Variants in UBXN2B observed in about 807,000 individuals in gnomAD.
UBXN2B encodes the protein UBX domain protein 2B.
Under a neutral mutation model 37.5 loss-of-function variants are expected in UBXN2B, and 19 were observed. The observed-to-expected ratio is 0.51, with a 90% CI of 0.35 to 0.74. The LOEUF is 0.74. Ranked by LOEUF, UBXN2B falls within the 30% of genes least tolerant of loss-of-function variation. The pLI is 0.01. For synonymous variants in UBXN2B, 145 were observed against 143.8 expected (o/e 1.01, Z -0.06); for missense variants, 370 against 393.2 (o/e 0.94, Z 0.50).
intron 2 of UBXN2B, among the ~76,000 whole-genome samples, 170 bp from the exon 3 acceptor site, chr8:58,430,349 T>C (rs1392491581): frequency 3.3e-5 from 5 of 152,248 alleles, no homozygotes; most frequent in Non-Finnish European, 5.9e-5. Context: ...TGATTTCCTA[T>C]TTATTATACT....
intron 2 of UBXN2B, among the ~76,000 whole-genome samples, chr8:58,421,488 T>G (rs1353137151): frequency 6.6e-6 from 1 of 152,154 alleles, no homozygotes; most frequent in East Asian, 1.9e-4. Flanking sequence ...TGGAATATTG[T>G]GCATATTTAA....
At chr8:58,424,370 C>T (rs1808015818) in intron 2 of UBXN2B, among the ~76,000 whole-genome samples, 1 of 152,106 alleles carries the variant, frequency 6.6e-6, no homozygotes, top group Non-Finnish European at 1.5e-5. Flanking sequence ...TTCTTCTTAT[C>T]TGAGGAAATG....
intron 6 of UBXN2B, among the ~76,000 whole-genome samples, chr8:58,443,505 T>C (rs185853756): frequency 6.5e-4 from 98 of 151,448 alleles, no homozygotes; most frequent in African/African-American, 2.3e-3. Flanking sequence ...AGAATTAACA[T>C]AACTTGCATG....
At chr8:58,444,266 A>G (rs148632868) in intron 6 of UBXN2B, among the ~76,000 whole-genome samples, 436 of 152,342 alleles carry the variant, frequency 2.9e-3, no homozygotes, top group African/African-American at 9.5e-3. Flanking sequence ...TAGGATAATT[A>G]TAATGCTAAT....
At chr8:58,426,493 C>T (rs1808095270) in intron 2 of UBXN2B, 3 of 710,958 alleles carry the variant, frequency 4.2e-6, no homozygotes, top group Middle Eastern at 2.5e-4. Flanking sequence ...CAGGTGTGAA[C>T]CACCGTGACC....
intron 2 of UBXN2B, 120 bp downstream of exon 2, chr8:58,417,073 A>T (rs1013658282): frequency 3.9e-6 from 3 of 765,518 alleles, no homozygotes; most frequent in African/African-American, 3.5e-5. Context: ...AAAAATTATT[A>T]TTCCAAGATC....
intron 6 of UBXN2B, among the ~76,000 whole-genome samples, chr8:58,442,308 A>G (rs1476108737): frequency 3.3e-5 from 5 of 152,254 alleles, no homozygotes; most frequent in African/African-American, 1.2e-4. Flanking sequence ...CATATATTCT[A>G]AAGTGAAGAA....
At chr8:58,446,778 C>CTTTTTTTTTTTTT (rs1585622637) in intron 7 of UBXN2B, among the ~76,000 whole-genome samples, 1 of 14,972 alleles carries the variant, frequency 6.7e-5, no homozygotes, top group Non-Finnish European at 1.4e-4. Context: ...GTACAACCTG[C>CTTTTTTTTTTTTT]ATTTTTTTTT....
At chr8:58,429,433 C>T (rs1229897776) in intron 2 of UBXN2B, among the ~76,000 whole-genome samples, 1 of 152,188 alleles carries the variant, frequency 6.6e-6, no homozygotes, top group African/African-American at 2.4e-5. Flanking sequence ...TAGGCTCCTG[C>T]TCTAGATAAA....
chr8:58,442,189 G>A (rs910317387), intron 6 of UBXN2B, among the ~76,000 whole-genome samples: 3 of 152,210 alleles, frequency 2.0e-5, no homozygotes, highest in Non-Finnish European at 4.4e-5. Context: ...CTAGCTGCAA[G>A]AGAGTCTGGG....
At position 58,428,589 on chromosome 8, in the gene UBXN2B, T is replaced by A. The variant is rs568805802; in HGVS notation, c.189-1930T>A. ...ATCCTTTTAAGGCCCAGCTGAGTAC[T>A]AATTCTGTACTACAGATGCCTATCT... is the stretch of plus-strand genomic sequence containing the variant. On this transcript the variant is annotated intron_variant, in intron 2 of 7. Coordinates refer to ENST00000399598, the MANE Select transcript of UBXN2B (RefSeq NM_001077619.2). Among the ~76,000 whole-genome samples the A allele has an allele frequency of 4.2e-4, 64 of 152,386 alleles. 1 individual carries two copies. Among genetic ancestry groups the A allele is most frequent in the African/African-American group, 1.5e-3 (62 of 41,596 alleles).
At position 58,449,427 on chromosome 8, in the gene UBXN2B, T is replaced by C. The variant is rs754072056; in HGVS notation, c.*1876T>C. Reference sequence around the variant, plus strand: ...CATCAACTCTAAATCCAAAATCTTATCTGAGTCTCACCAACTCAAAAGTCT... The same window carrying C: ...CATCAACTCTAAATCCAAAATCTTACCTGAGTCTCACCAACTCAAAAGTCT... On this transcript the variant is annotated 3_prime_UTR_variant, in exon 8 of 8. Transcript: ENST00000399598. The C allele has an allele frequency of 7.9e-5, 12 of 152,088 alleles. No homozygotes were observed. The highest frequency in any genetic ancestry group is 2.9e-4 in the African/African-American group (12 of 41,402). The allele number at this position is 152,088 out of a possible 1,614,324, so 9.4% of individuals were successfully genotyped here. A position where few individuals can be genotyped will look rare whatever the true frequency, so the allele number is the denominator to read the frequency against.
chr8:58,438,756 A>T (rs1808478309), intron 5 of UBXN2B, among the ~76,000 whole-genome samples: 2 of 152,070 alleles, frequency 1.3e-5, no homozygotes, highest in African/African-American at 4.8e-5. Flanking sequence ...ACTTTGGGGG[A>T]CTATTGAGAA....
At chr8:58,425,997 T>C (rs1263086770) in intron 2 of UBXN2B, 3 of 1,446,526 alleles carry the variant, frequency 2.1e-6, no homozygotes, top group Non-Finnish European at 2.9e-6. Flanking sequence ...GTTAATAATT[T>C]CTCTGCTTCT....
At chr8:58,426,852 T>C (rs558345962) in intron 2 of UBXN2B, among the ~76,000 whole-genome samples, 2 of 152,080 alleles carry the variant, frequency 1.3e-5, no homozygotes, top group East Asian at 3.9e-4. Flanking sequence ...CTGGAGACTG[T>C]GCAGCCGCCC....
intron 5 of UBXN2B, chr8:58,435,020 T>C (rs1366140682): frequency 1.3e-6 from 2 of 1,498,624 alleles, no homozygotes; most frequent in East Asian, 2.5e-5. Context: ...AAGAACATTG[T>C]AACTTACCAG....
In UBXN2B at chr8:58,449,966, G is replaced by GA. The variant is rs1232515605; in HGVS notation, c.*2419dup. 1.3e-5 allele frequency: 2 copies of GA among 152,180 alleles called. No individual in the cohort carries two copies. Among genetic ancestry groups the GA allele is most frequent in the African/African-American group, 4.8e-5 (2 of 41,446 alleles). 9.4% of individuals were successfully genotyped at this position (152,180 alleles called of 1,614,324 possible). On this transcript the variant is annotated 3_prime_UTR_variant, in exon 8 of 8. Transcript: ENST00000399598. ...GGAGGCTCCTCACGTATCTTTCCTG[G>GA]AAAATCCTGTCTCTGTTTTTGGCTT...
chr8:58,414,258 A>T (rs1392934722), intron 1 of UBXN2B, among the ~76,000 whole-genome samples: 4 of 152,182 alleles, frequency 2.6e-5, no homozygotes, highest in Non-Finnish European at 5.9e-5. Context: ...GCTGGGCCCT[A>T]CCCCAGAGTG....
chr8:58,438,184 C>T (rs1279736619), intron 5 of UBXN2B, among the ~76,000 whole-genome samples: 1 of 152,332 alleles, frequency 6.6e-6, no homozygotes, highest in East Asian at 1.9e-4. Context: ...GGTGTTAAGC[C>T]TACAGGCACA....
Sources: allele counts gnomAD v4.1 joint callset (sites outside exome capture counted in the v4.1 genomes callset), GRCh38; gene constraint gnomAD v4.1.1; transcripts MANE v1.5; gene names NCBI Gene and HGNC (gene_info 2026-07-23, HGNC 2026-07-21).